The following APC2 variants were observed in gnomAD, a reference collection of about 807,000 sequenced individuals.
APC2 encodes the protein APC regulator of Wnt signaling pathway 2, also known as adenomatous polyposis coli protein 2.
APC2 carries 41 observed loss-of-function variants against 72.5 expected under a neutral mutation model. The observed-to-expected ratio is 0.57, with a 90% CI of 0.44 to 0.73. APC2 has a LOEUF of 0.73. APC2 is among the 30% of genes least tolerant of loss of function. APC2 has a pLI of 0.00. For missense variants in APC2, 3,729 were observed against 3,403.4 expected, an observed-to-expected ratio of 1.10 and a Z score of -2.38; for synonymous variants, 1,898 against 1,612.0, an observed-to-expected ratio of 1.18 and a Z score of -4.25.
chr19:1,467,838 G>T lies in APC2; in HGVS notation c.4537G>T (p.Asp1513Tyr). Residue 1513 changes from aspartate (D) to tyrosine (Y), a missense_variant, in exon 15 of 15, where the codon GAC becomes TAC. By Grantham distance (160) the Asp-to-Tyr change is radical (BLOSUM62 -3). Coordinates refer to ENST00000590469, the MANE Select transcript of APC2 (RefSeq NM_005883.3). ...EEAVYCFYGN[D>Y]SDEEPPAAAP... ...GGCCGTGTACTGCTTCTACGGCAAC[G>T]ACTCGGACGAGGAGCCCCCGGCGGC... is the stretch of plus-strand genomic sequence containing the variant. 6.5e-7 allele frequency: 1 copy of T among 1,527,404 alleles called. No homozygotes were observed. Among genetic ancestry groups the T allele is most frequent in the Non-Finnish European group, 8.7e-7 (1 of 1,144,994 alleles). 94.6% of individuals were successfully genotyped at this position (1,527,404 alleles called of 1,614,324 possible). A position where few individuals can be genotyped will look rare whatever the true frequency, so the allele number is the denominator to read the frequency against.
chr19:1,446,399 G>A, upstream of APC2: 1 of 980,460 alleles, frequency 1.0e-6, no homozygotes, highest in Non-Finnish European at 1.2e-6. This position sits in a 1 kb window ranked among gnomAD's most constrained non-coding sequence, Gnocchi z 6.1. Context: ...GAACGGGGCG[G>A]GGTCCACACC....
rs1407641447 is a variant in APC2 at position 1,469,161 on chromosome 19, A to T, written c.5860A>T (p.Arg1954Trp). ...TCGGGCAGTCCCGGAGCCGGGCCCC[A>T]GGGGCCGGGCGGGGACCGAGGCGGG... ...LARAVPEPGP[R>W]GRAGTEAGPG... Residue 1954 changes from arginine (R) to tryptophan (W), a missense_variant, in exon 15 of 15, where the codon AGG becomes TGG. Coordinates refer to ENST00000590469, the MANE Select transcript of APC2 (RefSeq NM_005883.3). 3 of 1,278,262 alleles carry T rather than the reference A, an allele frequency of 2.3e-6. No individual in the cohort carries two copies. Among genetic ancestry groups the T allele is most frequent in the East Asian group, 6.3e-5 (2 of 31,668 alleles). 79.2% of individuals were successfully genotyped at this position (1,278,262 alleles called of 1,614,324 possible).
At position 1,467,460 on chromosome 19, in the gene APC2, G is replaced by C. The variant is rs1317402362; in HGVS notation, c.4159G>C (p.Asp1387His). The C allele has an allele frequency of 5.4e-6, 8 of 1,469,952 alleles. No homozygotes were observed. The highest frequency in any genetic ancestry group is 7.2e-6 in the Non-Finnish European group (8 of 1,114,224). The allele number at this position is 1,469,952 out of a possible 1,614,324, so 91.1% of individuals were successfully genotyped here. The change falls in exon 15 of 15, where the codon GAC (aspartate) becomes CAC (histidine). Residue 1387 changes from aspartate to histidine, a missense_variant. Physicochemically the swap from Asp to His is moderately conservative, Grantham distance 81. Coordinates refer to ENST00000590469, the MANE Select transcript of APC2 (RefSeq NM_005883.3). ...VPAPAPAQED[D>H]SCTDSAEGTP... is the part of the protein sequence containing the mutation. ...CGCCCCGGCCCCGGCCCAGGAGGAC[G>C]ACTCCTGCACTGACTCCGCGGAGGG...
Position 1,468,399 on chromosome 19 carries a change from C to A in APC2, c.5098C>A (p.Leu1700Met). 1 of 1,587,982 alleles carries A rather than the reference C, an allele frequency of 6.3e-7. No homozygotes were observed. Among genetic ancestry groups the A allele is most frequent in the East Asian group, 2.3e-5 (1 of 43,558 alleles). The change falls in exon 15 of 15, where the codon CTG (leucine) becomes ATG (methionine). Residue 1700 changes from leucine to methionine, a missense_variant. Leu to Met is a conservative substitution (Grantham distance 15, BLOSUM62 2). Transcript: ENST00000590469. ...GGGCGCCAATTCAATTGTCACGTGG[C>A]TGCACCAGGCAGCAGCTGCCACGCG... ...QEGANSIVTW[L>M]HQAAAATREA...
chr19:1,468,951 C>A lies in APC2; in HGVS notation c.5650C>A (p.Gln1884Lys). ...CTCCTCCCAGACCTCGCCCGCCTCC[C>A]AGCCCCTGCCCAGAAAGCGCCCCCC... is the stretch of plus-strand genomic sequence containing the variant. The part of the protein sequence containing the change: ...SSSSQTSPAS[Q>K]PLPRKRPPVT... Residue 1884 changes from glutamine (Q) to lysine (K), a missense_variant, in exon 15 of 15, where the codon CAG (glutamine) becomes AAG (lysine). Gln to Lys is a moderately conservative substitution (Grantham distance 53, BLOSUM62 1). Coordinates refer to ENST00000590469, the MANE Select transcript of APC2 (RefSeq NM_005883.3). 1.3e-6 allele frequency: 2 copies of A among 1,550,548 alleles called. No individual in the cohort carries two copies. Among genetic ancestry groups the A allele is most frequent in the East Asian group, 2.4e-5 (1 of 41,372 alleles).
Position 1,466,927 on chromosome 19 carries a change from G to T in APC2, c.3626G>T (p.Ser1209Ile). Residue 1209 changes from serine (S) to isoleucine (I), a missense_variant, in exon 15 of 15, where the codon AGC (serine) becomes ATC (isoleucine). Transcript: ENST00000590469. ...AGCCCCGGACAGACCATGCCTCCCA[G>T]CCGGAGCAAGACGCCACCGCTGGCG... ...PDSPGQTMPP[S>I]RSKTPPLAPA... 1.3e-6 allele frequency: 2 copies of T among 1,595,256 alleles called. No homozygotes were observed. Among genetic ancestry groups the T allele is most frequent in the Non-Finnish European group, 1.7e-6 (2 of 1,171,574 alleles).
chr19:1,450,251 C>T lies in APC2; in HGVS notation c.-106C>T. The T allele has an allele frequency of 1.0e-6, 1 of 985,426 alleles. No individual in the cohort carries two copies. Among genetic ancestry groups the T allele is most frequent in the Non-Finnish European group, 1.2e-6 (1 of 829,936 alleles). 61.0% of individuals were successfully genotyped at this position (985,426 alleles called of 1,614,324 possible). A position where few individuals can be genotyped will look rare whatever the true frequency, so the allele number is the denominator to read the frequency against. ...CCGCGCGCTCCGAGGCCACCCCGGG[C>T]CGGGATTTCCGGTGGGGCCCGCGGA... On this transcript the variant is annotated 5_prime_UTR_variant, in exon 1 of 15. Transcript: ENST00000590469.
intron 13 of APC2, 110 bp from the exon 14 acceptor site, chr19:1,461,851 CAA>C (rs370073075): frequency 1.3e-4 from 97 of 721,842 alleles, no homozygotes; most frequent in East Asian, 2.6e-4. Flanking sequence ...GATTCCGTCT[CAA>C]AAAAAAAAAA....
At chr19:1,460,160 A>C in intron 10 of APC2, 21 bp from the exon 11 acceptor site, 2 of 1,612,850 alleles carry the variant, frequency 1.2e-6, no homozygotes, top group Non-Finnish European at 1.7e-6. Flanking sequence ...GCCACCCACC[A>C]ACCTTGTTGG....
chr19:1,462,560 C>T (rs936079585), intron 14 of APC2, among the ~76,000 whole-genome samples: 1 of 143,798 alleles, frequency 7.0e-6, no homozygotes, highest in Non-Finnish European at 1.5e-5. Context: ...GAGGCTGAGG[C>T]AGAAGAATCG....
intron 4 of APC2, 96 bp from the exon 5 acceptor site, chr19:1,455,053 T>C (rs2083799448): frequency 4.7e-6 from 3 of 634,052 alleles, no homozygotes; most frequent in East Asian, 6.5e-5. Context: ...CCTGTTAACC[T>C]TGGCATACAG....
Position 1,453,423 on chromosome 19 carries a change from C to G in APC2, c.233-8C>G. On this transcript the variant is annotated splice_region_variant and splice_polypyrimidine_tract_variant and intron_variant, in intron 3 of 14. Coordinates refer to ENST00000590469, the MANE Select transcript of APC2 (RefSeq NM_005883.3). ...CCGCTGACCTCCGCCCTGTCCCCGC[C>G]CATCCAGCCCTACAGATGGACATCA... 1 of 1,602,868 alleles carries G rather than the reference C, an allele frequency of 6.2e-7. No individual in the cohort carries two copies. The highest frequency in any genetic ancestry group is 8.5e-7 in the Non-Finnish European group (1 of 1,172,690).
At chr19:1,459,871 G>C (rs2083895997) in intron 10 of APC2, among the ~76,000 whole-genome samples, 1 of 152,208 alleles carries the variant, frequency 6.6e-6, no homozygotes, top group African/African-American at 2.4e-5. Context: ...AAACAGGGCA[G>C]GGAAGAACAT....
In APC2 at chr19:1,467,667, C is replaced by A; in HGVS notation, c.4366C>A (p.Arg1456=). 6.8e-7 allele frequency: 1 copy of A among 1,478,886 alleles called. No individual in the cohort carries two copies. The allele number at this position is 1,478,886 out of a possible 1,614,324, so 91.6% of individuals were successfully genotyped here. ...CGCCGGCCGCAGCGCGGAGCAGTCT[C>A]GGGGCGCGGGCAAGAACAGAGCAGG... ...GGAGRSAEQS[R]GAGKNRAGLE... is the part of the protein sequence containing the mutation. The change falls in exon 15 of 15, where the codon CGG becomes AGG. Residue 1456 remains arginine, a synonymous_variant. Coordinates refer to ENST00000590469, the MANE Select transcript of APC2 (RefSeq NM_005883.3).
At chr19:1,446,478 C>T (rs1779787069), upstream of APC2, 1 of 608,484 alleles carries the variant, frequency 1.6e-6, no homozygotes, top group Non-Finnish European at 2.1e-6. The surrounding 1 kb of genome is among the most constrained non-coding windows in gnomAD (Gnocchi z 6.1). Context: ...AGTCGGGGGT[C>T]TAGTGCCGTC....
rs749575213 is a variant in APC2 at position 1,470,210 on chromosome 19, A to G, written c.6909A>G (p.Glu2303=). The change falls in exon 15 of 15, where the codon GAA becomes GAG. Residue 2303 remains glutamate, a synonymous_variant. Coordinates refer to ENST00000590469, the MANE Select transcript of APC2 (RefSeq NM_005883.3). Reference sequence around the variant, plus strand: ...CCACTGCCTCCGCCACCCTCCTGGAATAGTGGCCTAGGCCGGCCTTCTGGA... The same window carrying G: ...CCACTGCCTCCGCCACCCTCCTGGAGTAGTGGCCTAGGCCGGCCTTCTGGA... ...APATASATLL[E] 2.6e-5 allele frequency: 41 copies of G among 1,589,800 alleles called. No homozygotes were observed. Among genetic ancestry groups the G allele is most frequent in the Admixed American group, 1.0e-4 (6 of 58,128 alleles).
chr19:1,470,345 C>T lies in APC2; in HGVS notation c.*132C>T. On this transcript the variant is annotated 3_prime_UTR_variant, in exon 15 of 15. Coordinates refer to ENST00000590469, the MANE Select transcript of APC2 (RefSeq NM_005883.3). ...CTGCCCACCCGAGCCCCACCACTCT[C>T]AGAACCCCCGCCCAGCGCACGGCGA... is the stretch of plus-strand genomic sequence containing the variant. The T allele has an allele frequency of 2.4e-6, 3 of 1,257,510 alleles. No individual in the cohort carries two copies. Among genetic ancestry groups the T allele is most frequent in the Non-Finnish European group, 3.1e-6 (3 of 953,566 alleles). The allele number at this position is 1,257,510 out of a possible 1,614,324, so 77.9% of individuals were successfully genotyped here. A position where few individuals can be genotyped will look rare whatever the true frequency, so the allele number is the denominator to read the frequency against.
At chr19:1,449,992 C>T (rs867598529), upstream of APC2, among the ~76,000 whole-genome samples, 26 of 151,954 alleles carry the variant, frequency 1.7e-4, no homozygotes, top group South Asian at 3.9e-3. Context: ...CGCGGAGGCC[C>T]GACGCCCCGC....
At chr19:1,459,262 T>G (rs775405342) in intron 10 of APC2, among the ~76,000 whole-genome samples, 51 of 152,046 alleles carry the variant, frequency 3.4e-4, no homozygotes, top group Non-Finnish European at 3.1e-4. Context: ...TGGAGTGCAG[T>G]GGCGCCATCT....
Sources: allele counts gnomAD v4.1 joint callset (sites outside exome capture counted in the v4.1 genomes callset), GRCh38; gene constraint gnomAD v4.1.1; non-coding constraint Gnocchi (gnomAD v3.1); transcripts MANE v1.5; gene names NCBI Gene and HGNC (gene_info 2026-07-23, HGNC 2026-07-21).